C12orf54: variants seen among roughly 807,000 people sequenced by gnomAD.
C12orf54 encodes uncharacterized protein C12orf54.
In C12orf54, 24 loss-of-function variants were observed where a neutral mutation model predicts 26.4. The ratio of observed to expected loss-of-function variants is 0.91; its 90% CI spans 0.66 to 1.28. The LOEUF (loss-of-function observed/expected upper bound fraction) is 1.28, where lower values mean the gene tolerates loss of function less well. Ranked by LOEUF, C12orf54 falls within the 50% of genes most tolerant of loss-of-function variation. The pLI is 0.00. For synonymous variants in C12orf54, 54 were observed against 47.0 expected (o/e 1.15, Z -0.61); for missense variants, 154 against 150.9 (o/e 1.02, Z -0.11).
At chr12:48,438,159 T>C in the C12orf54 span, among the ~76,000 whole-genome samples, 1 of 152,100 alleles carries the variant, frequency 6.6e-6, no homozygotes, top group Non-Finnish European at 1.5e-5. Flanking sequence ...CACAGTTGCT[T>C]CAAAGAGAAT....
chr12:48,460,930 TA>T, the C12orf54 span, among the ~76,000 whole-genome samples: 2 of 152,004 alleles, frequency 1.3e-5, no homozygotes, highest in African/African-American at 4.8e-5. Context: ...GTGAAAAACC[TA>T]AATGTCAACT....
At chr12:48,473,158 A>G in the C12orf54 span, 2 of 1,554,020 alleles carry the variant, frequency 1.3e-6, no homozygotes, top group East Asian at 2.2e-5. Flanking sequence ...GGCTTTGTGG[A>G]GTGCCTGGAT....
At chr12:48,438,675 A>G in the C12orf54 span, among the ~76,000 whole-genome samples, 1 of 152,336 alleles carries the variant, frequency 6.6e-6, no homozygotes, top group South Asian at 2.1e-4. Context: ...TATTTAATAA[A>G]TGGTGCTGGG....
chr12:48,461,545 T>C, the C12orf54 span, among the ~76,000 whole-genome samples: 2 of 151,874 alleles, frequency 1.3e-5, no homozygotes, highest in African/African-American at 4.8e-5. Context: ...TTTTATCTGA[T>C]TATTAAGCAA....
At chr12:48,435,460 C>T in the C12orf54 span, among the ~76,000 whole-genome samples, 1 of 152,122 alleles carries the variant, frequency 6.6e-6, no homozygotes, top group Non-Finnish European at 1.5e-5. Flanking sequence ...ATATAATTGT[C>T]AGATTCATCA....
the C12orf54 span, among the ~76,000 whole-genome samples, chr12:48,476,341 C>T: frequency 7.9e-5 from 12 of 152,266 alleles, no homozygotes; most frequent in East Asian, 1.9e-4. Context: ...CATCAACTAA[C>T]GAGCAAAATA....
chr12:48,492,526 G>A (rs142402811), intron 6 of C12orf54, among the ~76,000 whole-genome samples: 2 of 152,304 alleles, frequency 1.3e-5, no homozygotes, highest in African/African-American at 4.8e-5. Flanking sequence ...TCTAACAGCT[G>A]CTGCTGCTTT....
At chr12:48,473,422 A>C in the C12orf54 span, 33 of 693,862 alleles carry the variant, frequency 4.8e-5, no homozygotes, top group South Asian at 3.2e-4. Flanking sequence ...TAAGTGGAAT[A>C]ATCTATTTTG....
chr12:48,468,582 C>T, the C12orf54 span, among the ~76,000 whole-genome samples: 1 of 131,354 alleles, frequency 7.6e-6, no homozygotes, highest in East Asian at 2.0e-4. Context: ...ACCATGCAAA[C>T]ACTAACTACA....
the C12orf54 span, among the ~76,000 whole-genome samples, chr12:48,453,837 A>T: frequency 6.6e-6 from 1 of 151,710 alleles, no homozygotes; most frequent in Admixed American, 6.6e-5. Flanking sequence ...CCATATCCAT[A>T]TACATGTAAT....
Position 48,488,947 on chromosome 12 carries a change from A to G in C12orf54, c.159A>G (p.Ile53Met). 2 of 1,611,522 alleles carry G rather than the reference A, an allele frequency of 1.2e-6. No individual in the cohort carries two copies. The highest frequency in any genetic ancestry group is 1.7e-5 in the Admixed American group (1 of 59,918). ...AGGTGCTGACAGTTTTTAAGGATAT[A>G]CAAAAGGAGGTGAGATTAGATTTTG... is the stretch of plus-strand genomic sequence containing the variant. ...WDQVLTVFKD[I>M]QKELQEDARI... The change falls in exon 5 of 9, where the codon ATA becomes ATG. Residue 53 changes from isoleucine to methionine, a missense_variant. Coordinates refer to ENST00000548364, the MANE Select transcript of C12orf54 (RefSeq NM_152319.4).
chr12:48,473,498 T>A, the C12orf54 span: 1 of 396,446 alleles, frequency 2.5e-6, no homozygotes, highest in East Asian at 6.5e-5. Context: ...TCCTGCCCCC[T>A]GAAACTTATT....
chr12:48,494,187 C>G (rs1937860534), intron 7 of C12orf54, among the ~76,000 whole-genome samples: 8 of 150,824 alleles, frequency 5.3e-5, no homozygotes, highest in Admixed American at 5.3e-4. Flanking sequence ...CCATTGCACT[C>G]CAGTCTAGGC....
chr12:48,450,503 A>G, the C12orf54 span, among the ~76,000 whole-genome samples: 2 of 152,216 alleles, frequency 1.3e-5, no homozygotes, highest in Non-Finnish European at 1.5e-5. Context: ...ACTGAAGGAG[A>G]CAGAGACATG....
At chr12:48,477,774 A>C (rs537089508), upstream of C12orf54, among the ~76,000 whole-genome samples, 1 of 152,248 alleles carries the variant, frequency 6.6e-6, no homozygotes, top group Non-Finnish European at 1.5e-5. Flanking sequence ...CAACCAAAAA[A>C]AGTTGAGGAC....
chr12:48,441,616 A>G, the C12orf54 span, among the ~76,000 whole-genome samples: 2 of 152,184 alleles, frequency 1.3e-5, no homozygotes, highest in Non-Finnish European at 2.9e-5. Context: ...CATGATTAAC[A>G]GTGTCTCTTG....
the C12orf54 span, among the ~76,000 whole-genome samples, chr12:48,454,531 G>C: frequency 5.3e-5 from 8 of 152,320 alleles, no homozygotes; most frequent in South Asian, 1.2e-3. Flanking sequence ...GGGTTTGCCT[G>C]AGCAGGTCTG....
intron 6 of C12orf54, 46 bp from the exon 7 acceptor site, chr12:48,492,901 G>T: frequency 6.4e-7 from 1 of 1,565,120 alleles, no homozygotes; most frequent in Middle Eastern, 1.7e-4. Flanking sequence ...GGGGAGACAT[G>T]TCCAGGCCCC....
the C12orf54 span, among the ~76,000 whole-genome samples, chr12:48,433,455 TG>T: frequency 0.74 from 99,527 of 134,958 alleles, 36,968 homozygotes; most frequent in Non-Finnish European, 0.82. Context: ...AGCTTTTTTT[TG>T]GGGGGGGGGG....
Sources: allele counts gnomAD v4.1 joint callset (sites outside exome capture counted in the v4.1 genomes callset), GRCh38; gene constraint gnomAD v4.1.1; transcripts MANE v1.5; gene names NCBI Gene and HGNC (gene_info 2026-07-23, HGNC 2026-07-21).